EXOC6B: variants seen among roughly 807,000 people sequenced by gnomAD.
EXOC6B encodes exocyst complex component 6B, also known as SEC15 homolog B.
EXOC6B carries 54 observed loss-of-function variants against 113.5 expected under a neutral mutation model. That is an observed-to-expected ratio of 0.48 (90% confidence interval 0.38 to 0.60). EXOC6B has a LOEUF of 0.60. Ranked by LOEUF, EXOC6B falls within the 20% of genes least tolerant of loss-of-function variation. The pLI is 0.00. For synonymous variants in EXOC6B, 357 were observed against 339.0 expected (o/e 1.05, Z -0.58); for missense variants, 797 against 977.5 (o/e 0.82, Z 2.46).
At chr2:72,352,397 A>C (rs964700316) in intron 19 of EXOC6B, among the ~76,000 whole-genome samples, 6 of 152,148 alleles carry the variant, frequency 3.9e-5, no homozygotes, top group African/African-American at 1.4e-4. Flanking sequence ...GGTTTTCTAA[A>C]TGGAAGTGTT....
chr2:72,479,693 T>G lies in EXOC6B; in HGVS notation c.1800+923A>C, dbSNP rs371563908. ...GCTTAATACCTATTTAAAGCTCACA[T>G]AAATATGAAGGAGTTTATTAAAGCT... On this transcript the variant is annotated intron_variant, in intron 17 of 21. Transcript: ENST00000272427. Among the ~76,000 whole-genome samples the G allele has an allele frequency of 2.0e-4, 31 of 152,328 alleles. No homozygotes were observed. The East Asian group carries it at 2.7e-3, about 13-fold the overall frequency.
At chr2:72,507,880 C>T (rs1573284750) in intron 11 of EXOC6B, among the ~76,000 whole-genome samples, 2 of 147,828 alleles carry the variant, frequency 1.4e-5, no homozygotes, top group South Asian at 4.4e-4. Context: ...AGAGAGGGTG[C>T]ATTTTTGTAC....
intron 19 of EXOC6B, among the ~76,000 whole-genome samples, chr2:72,360,206 G>A (rs1192576853): frequency 6.6e-6 from 1 of 151,794 alleles, no homozygotes; most frequent in Non-Finnish European, 1.5e-5. Context: ...GCCCACCTCA[G>A]CCTCCCACGT....
At chr2:72,425,970 G>C (rs1573093289) in intron 18 of EXOC6B, among the ~76,000 whole-genome samples, 1 of 152,266 alleles carries the variant, frequency 6.6e-6, no homozygotes, top group East Asian at 1.9e-4. Flanking sequence ...AATCTTAAAA[G>C]TGTATCTTTT....
intron 19 of EXOC6B, among the ~76,000 whole-genome samples, chr2:72,348,483 C>A (rs2104932957): frequency 6.6e-6 from 1 of 152,232 alleles, no homozygotes. Context: ...CTCTACAAAT[C>A]CTTTACTTGT....
At chr2:72,775,668 T>C (rs1407363361) in intron 1 of EXOC6B, among the ~76,000 whole-genome samples, 1 of 152,138 alleles carries the variant, frequency 6.6e-6, no homozygotes, top group Non-Finnish European at 1.5e-5. Flanking sequence ...TACCAAAAGG[T>C]TGTAACATAT....
intron 6 of EXOC6B, among the ~76,000 whole-genome samples, chr2:72,682,384 C>T (rs1338800960): frequency 1.3e-5 from 2 of 152,102 alleles, no homozygotes; most frequent in Non-Finnish European, 2.9e-5. Context: ...ACAGTAGTAA[C>T]ATAAAAAGTC....
intron 18 of EXOC6B, among the ~76,000 whole-genome samples, chr2:72,447,348 T>C (rs143608976): frequency 2.6e-5 from 4 of 152,326 alleles, no homozygotes; most frequent in Admixed American, 1.3e-4. Flanking sequence ...GAAATGTCTA[T>C]TAAACTAAGA....
chr2:72,548,576 C>T (rs1233778890), intron 8 of EXOC6B, among the ~76,000 whole-genome samples: 1 of 152,106 alleles, frequency 6.6e-6, no homozygotes, highest in Non-Finnish European at 1.5e-5. Context: ...AGGTCCCAGC[C>T]CTGATATTGT....
At chr2:72,279,089 A>C (rs1311067712) in intron 20 of EXOC6B, among the ~76,000 whole-genome samples, 1 of 152,204 alleles carries the variant, frequency 6.6e-6, no homozygotes, top group Non-Finnish European at 1.5e-5. Context: ...CAAGTATACC[A>C]ATAGTTGCTC....
At chr2:72,813,521 G>A (rs1380513495) in intron 1 of EXOC6B, among the ~76,000 whole-genome samples, 2 of 152,124 alleles carry the variant, frequency 1.3e-5, no homozygotes, top group African/African-American at 2.4e-5. Flanking sequence ...CTACTCCAAT[G>A]CCAAAAGATC....
intron 6 of EXOC6B, among the ~76,000 whole-genome samples, chr2:72,598,017 C>A (rs1157242052): frequency 6.6e-6 from 1 of 151,802 alleles, no homozygotes; most frequent in Non-Finnish European, 1.5e-5. Context: ...CAACACACAT[C>A]TATCAATAAT....
intron 1 of EXOC6B, among the ~76,000 whole-genome samples, chr2:72,786,693 T>C (rs1285035207): frequency 6.6e-6 from 1 of 152,154 alleles, no homozygotes; most frequent in Non-Finnish European, 1.5e-5. Context: ...TTTATGGCAA[T>C]AGTATGGAAA....
intron 20 of EXOC6B, among the ~76,000 whole-genome samples, chr2:72,320,774 T>C (rs1301426300): frequency 6.6e-6 from 1 of 152,152 alleles, no homozygotes; most frequent in Non-Finnish European, 1.5e-5. Context: ...TTTTGAAAGA[T>C]ACTGTTAAGG....
intron 6 of EXOC6B, among the ~76,000 whole-genome samples, chr2:72,580,974 CCTAA>C (rs745369760): frequency 5.9e-5 from 9 of 152,218 alleles, no homozygotes; most frequent in African/African-American, 9.7e-5. Context: ...TTTCATTCCT[CCTAA>C]CTCTTACTTC....
At chr2:72,334,786 A>G (rs998059548) in intron 20 of EXOC6B, among the ~76,000 whole-genome samples, 161 bp downstream of exon 20, 4 of 150,210 alleles carry the variant, frequency 2.7e-5, no homozygotes, top group African/African-American at 9.8e-5. Context: ...GATCCCAGAT[A>G]GCTAAATAAA....
intron 18 of EXOC6B, among the ~76,000 whole-genome samples, chr2:72,420,528 G>C (rs1049061539): frequency 2.0e-5 from 3 of 152,124 alleles, no homozygotes; most frequent in Non-Finnish European, 4.4e-5. Context: ...GAGAATGATG[G>C]CTTTTACCTT....
At chr2:72,403,094 C>A (rs1318168498) in intron 18 of EXOC6B, among the ~76,000 whole-genome samples, 1 of 152,152 alleles carries the variant, frequency 6.6e-6, no homozygotes, top group Non-Finnish European at 1.5e-5. Flanking sequence ...CAGAGATTTA[C>A]CTCAGGTGAA....
intron 18 of EXOC6B, among the ~76,000 whole-genome samples, chr2:72,448,712 C>T (rs1389686356): frequency 6.6e-6 from 1 of 152,074 alleles, no homozygotes. Context: ...TTTGGAGCAT[C>T]TGGTTAAATC....
Sources: gnomAD v4.1 joint callset for allele counts (sites outside exome capture counted in the v4.1 genomes callset) on GRCh38, gnomAD v4.1.1 for gene constraint, MANE v1.5 for transcripts, NCBI Gene and HGNC (gene_info 2026-07-23, HGNC 2026-07-21) for gene names.